PCDH15: variants seen among roughly 807,000 people sequenced by gnomAD.
The protein encoded by PCDH15 is protocadherin related 15, also known as protocadherin-15.
PCDH15 carries 129 observed loss-of-function variants against 178.5 expected under a neutral mutation model. The ratio of observed to expected loss-of-function variants is 0.72; its 90% CI spans 0.63 to 0.84. The LOEUF (loss-of-function observed/expected upper bound fraction) is 0.84. PCDH15 is among the 40% of genes least tolerant of loss of function. PCDH15 has a pLI of 0.00. For missense variants in PCDH15, 2,230 were observed against 2,099.9 expected (o/e 1.06, Z -1.21); for synonymous variants, 800 against 732.0 (o/e 1.09, Z -1.50).
chr10:54,617,453 C>A (rs957254475), intron 2 of PCDH15, among the ~76,000 whole-genome samples: 1 of 152,002 alleles, frequency 6.6e-6, no homozygotes, highest in Non-Finnish European at 1.5e-5. Context: ...AGAACATACA[C>A]TTTTACTATA....
chr10:53,838,082 T>G (rs2132722010), intron 29 of PCDH15, among the ~76,000 whole-genome samples: 1 of 151,808 alleles, frequency 6.6e-6, no homozygotes, highest in East Asian at 1.9e-4. Context: ...TTCACGCCAT[T>G]CTCCTGCCTC....
intron 20 of PCDH15, among the ~76,000 whole-genome samples, chr10:54,014,893 T>C (rs543379563): frequency 3.9e-5 from 6 of 152,144 alleles, no homozygotes; most frequent in African/African-American, 9.6e-5. Context: ...ATCATAGTAA[T>C]GGAAGTCCTG....
chr10:54,750,018 C>T (rs1945995399), intron 1 of PCDH15, among the ~76,000 whole-genome samples: 1 of 151,652 alleles, frequency 6.6e-6, no homozygotes, highest in African/African-American at 2.4e-5. Flanking sequence ...TCTTACTACT[C>T]TCATTAGCAA....
chr10:53,892,714 G>A (rs2081655650), intron 26 of PCDH15, among the ~76,000 whole-genome samples: 1 of 152,120 alleles, frequency 6.6e-6, no homozygotes. Context: ...TTCTCAACTA[G>A]TACAGGAGAA....
intron 2 of PCDH15, among the ~76,000 whole-genome samples, chr10:54,900,300 A>G (rs760737515): frequency 6.6e-6 from 1 of 152,196 alleles, no homozygotes; most frequent in Non-Finnish European, 1.5e-5. Context: ...GAACGTGATA[A>G]TTTTAAGGGG....
At chr10:54,823,667 C>T (rs1399705202) in intron 3 of PCDH15, among the ~76,000 whole-genome samples, 2 of 152,034 alleles carry the variant, frequency 1.3e-5, no homozygotes, top group Non-Finnish European at 2.9e-5. Context: ...AATAATGTAT[C>T]TTGTCAGTGA....
At chr10:54,835,857 C>G (rs764669865) in intron 3 of PCDH15, among the ~76,000 whole-genome samples, 1 of 152,038 alleles carries the variant, frequency 6.6e-6, no homozygotes, top group African/African-American at 2.4e-5. Flanking sequence ...TAAACTGTCA[C>G]TTATAAAAGA....
intron 3 of PCDH15, among the ~76,000 whole-genome samples, chr10:54,450,130 A>AATATATAT (rs10526141): frequency 0.015 from 2,064 of 137,118 alleles, 33 homozygotes; most frequent in African/African-American, 0.033. Context: ...CTTTTTTATA[A>AATATATAT]ATATATATAT....
intron 3 of PCDH15, among the ~76,000 whole-genome samples, chr10:54,410,660 C>T (rs1953354524): frequency 6.6e-6 from 1 of 152,030 alleles, no homozygotes; most frequent in African/African-American, 2.4e-5. Flanking sequence ...TTTGATGAAA[C>T]TCACAATGTA....
chr10:55,598,405 C>T (rs1012025878), intron 2 of PCDH15, among the ~76,000 whole-genome samples: 6 of 150,576 alleles, frequency 4.0e-5, no homozygotes, highest in Non-Finnish European at 7.4e-5. Context: ...AAGGACTTGG[C>T]GGTGCTTTAT....
intron 2 of PCDH15, among the ~76,000 whole-genome samples, chr10:55,137,719 G>A (rs1261590323): frequency 1.3e-5 from 2 of 151,826 alleles, no homozygotes; most frequent in African/African-American, 4.8e-5. Flanking sequence ...TATACCCCTC[G>A]GTCAGGAACA....
chr10:55,133,469 C>A (rs1838107712), intron 2 of PCDH15, among the ~76,000 whole-genome samples: 1 of 152,110 alleles, frequency 6.6e-6, no homozygotes, highest in Non-Finnish European at 1.5e-5. Flanking sequence ...GGTTACTCTT[C>A]CTTTTTTTAT....
At chr10:55,585,753 G>A (rs1564467338) in intron 2 of PCDH15, among the ~76,000 whole-genome samples, 1 of 151,828 alleles carries the variant, frequency 6.6e-6, no homozygotes, top group South Asian at 2.1e-4. Context: ...ATATATATAT[G>A]TGTGTGTGTA....
intron 5 of PCDH15, among the ~76,000 whole-genome samples, chr10:54,367,407 G>A (rs1246559255): frequency 6.6e-6 from 1 of 152,092 alleles, no homozygotes; most frequent in African/African-American, 2.4e-5. Context: ...AGAGAGGGAA[G>A]TGGAAACAGT....
chr10:55,295,113 G>C (rs1468465921), intron 1 of PCDH15, among the ~76,000 whole-genome samples: 2 of 152,042 alleles, frequency 1.3e-5, no homozygotes, highest in African/African-American at 4.8e-5. Flanking sequence ...AGAAAGTTTT[G>C]TGTCAACATC....
At chr10:53,965,178 C>G (rs961137502) in intron 21 of PCDH15, among the ~76,000 whole-genome samples, 1 of 151,926 alleles carries the variant, frequency 6.6e-6, no homozygotes, top group Non-Finnish European at 1.5e-5. Flanking sequence ...CTGCCTCAGC[C>G]TCTCAGGCAG....
chr10:55,576,482 C>T (rs910010438), intron 2 of PCDH15, among the ~76,000 whole-genome samples: 5 of 152,110 alleles, frequency 3.3e-5, no homozygotes, highest in African/African-American at 1.2e-4. Flanking sequence ...AACTGTATTA[C>T]ACTTTGTGAT....
chr10:54,836,642 A>G (rs1227227534), intron 3 of PCDH15, among the ~76,000 whole-genome samples: 3 of 152,154 alleles, frequency 2.0e-5, no homozygotes, highest in Admixed American at 6.6e-5. Context: ...GAGAAAAAAG[A>G]TATAATCTCA....
intron 32 of PCDH15, chr10:53,821,017 G>A: frequency 1.4e-6 from 1 of 738,024 alleles, no homozygotes; most frequent in Non-Finnish European, 1.7e-6. Context: ...TTTAAATTAG[G>A]GAGATGATTA....
Sources: allele counts gnomAD v4.1 joint callset (sites outside exome capture counted in the v4.1 genomes callset), GRCh38; gene constraint gnomAD v4.1.1; transcripts MANE v1.5; gene names NCBI Gene and HGNC (gene_info 2026-07-23, HGNC 2026-07-21).